CDH12: variants seen among roughly 807,000 people sequenced by gnomAD.
The protein encoded by CDH12 is cadherin 12.
A neutral mutation model predicts 74.1 loss-of-function variants in CDH12; 41 were observed. That is an observed-to-expected ratio of 0.55 (90% CI 0.43 to 0.72). The LOEUF is 0.72. Ranked by LOEUF, CDH12 falls within the 30% of genes least tolerant of loss-of-function variation. The pLI is 0.00. For synonymous variants in CDH12, 399 were observed against 355.0 expected (o/e 1.12, Z -1.39); for missense variants, 945 against 977.2 (o/e 0.97, Z 0.44).
chr5:22,715,001 G>A (rs1440855970), intron 1 of CDH12, among the ~76,000 whole-genome samples: 1 of 152,130 alleles, frequency 6.6e-6, no homozygotes, highest in Non-Finnish European at 1.5e-5. Flanking sequence ...CCAGGCATAA[G>A]AGAATTGTAT....
chr5:21,922,980 A>ATATCTG (rs375167830), intron 6 of CDH12, among the ~76,000 whole-genome samples: 1 of 151,536 alleles, frequency 6.6e-6, no homozygotes, highest in African/African-American at 2.4e-5. Flanking sequence ...ATCTATATCT[A>ATATCTG]TATATGGAGA....
At chr5:21,852,116 T>C (rs187422809) in intron 7 of CDH12, among the ~76,000 whole-genome samples, 1 of 151,574 alleles carries the variant, frequency 6.6e-6, no homozygotes, top group Admixed American at 6.6e-5. Flanking sequence ...TTTACTCTTA[T>C]CTACCACAAG....
At chr5:21,772,289 T>A (rs116416044) in intron 11 of CDH12, among the ~76,000 whole-genome samples, 1 of 152,144 alleles carries the variant, frequency 6.6e-6, no homozygotes, top group Admixed American at 6.6e-5. Flanking sequence ...ATCATATTTG[T>A]CATCTGGATT....
At chr5:21,867,696 T>A (rs935713125) in intron 6 of CDH12, among the ~76,000 whole-genome samples, 3 of 152,246 alleles carry the variant, frequency 2.0e-5, no homozygotes, top group African/African-American at 7.2e-5. Flanking sequence ...ACTAATTTGC[T>A]TTTGATTTTA....
chr5:21,765,254 G>C (rs919696405), intron 11 of CDH12, among the ~76,000 whole-genome samples, 155 bp from the exon 12 acceptor site: 2 of 152,028 alleles, frequency 1.3e-5, no homozygotes, highest in Admixed American at 1.3e-4. Flanking sequence ...ACTACAAGAT[G>C]ATAAAGGATC....
chr5:21,833,862 A>G (rs1348367630), intron 8 of CDH12, among the ~76,000 whole-genome samples: 2 of 151,966 alleles, frequency 1.3e-5, no homozygotes, highest in Non-Finnish European at 2.9e-5. Flanking sequence ...TTTGAGAGCC[A>G]CTGTAAGATC....
chr5:21,856,746 A>T (rs1313360956), intron 6 of CDH12, among the ~76,000 whole-genome samples: 1 of 151,842 alleles, frequency 6.6e-6, no homozygotes, highest in Non-Finnish European at 1.5e-5. Flanking sequence ...ATACTTCATT[A>T]ATGCATCGAA....
intron 2 of CDH12, among the ~76,000 whole-genome samples, chr5:22,452,708 A>G (rs1027716426): frequency 2.0e-5 from 3 of 151,840 alleles, no homozygotes; most frequent in Non-Finnish European, 2.9e-5. Flanking sequence ...CAACTGAAGC[A>G]AAAATAGGCA....
intron 2 of CDH12, among the ~76,000 whole-genome samples, chr5:22,485,309 G>A (rs1252097860): frequency 6.6e-6 from 1 of 152,060 alleles, no homozygotes; most frequent in Non-Finnish European, 1.5e-5. Flanking sequence ...AGCCTCCAGA[G>A]CAGTAGGGAC....
intron 14 of CDH12, among the ~76,000 whole-genome samples, chr5:21,754,141 T>C (rs1040383967): frequency 6.6e-6 from 1 of 152,168 alleles, no homozygotes; most frequent in Non-Finnish European, 1.5e-5. Context: ...GAAATGATTT[T>C]GTATAAGGTT....
At chr5:22,273,277 G>C (rs569492319) in intron 3 of CDH12, among the ~76,000 whole-genome samples, 1 of 152,216 alleles carries the variant, frequency 6.6e-6, no homozygotes, top group Non-Finnish European at 1.5e-5. Context: ...AGTAATTTTT[G>C]AATTACCAAA....
chr5:21,812,179 T>C (rs1747781992), intron 9 of CDH12, among the ~76,000 whole-genome samples: 1 of 152,064 alleles, frequency 6.6e-6, no homozygotes, highest in Non-Finnish European at 1.5e-5. Flanking sequence ...ACAAAGCATG[T>C]CATGCCTCAT....
intron 1 of CDH12, among the ~76,000 whole-genome samples, chr5:22,759,307 T>TAC: frequency 6.6e-6 from 1 of 152,212 alleles, no homozygotes. Flanking sequence ...ACCTCTAGTA[T>TAC]ACACATATAC....
Position 22,820,116 on chromosome 5 carries a change from A to G in CDH12, c.-523+32942T>C, listed in dbSNP as rs187854178. On this transcript the variant is annotated intron_variant, in intron 1 of 14. Transcript: ENST00000382254. ...TACATAGCTGAACAGAAATTTCATT[A>G]AAAAAATTACTAAATTATATCCAAT... 4.7e-3 allele frequency among the ~76,000 whole-genome samples: 706 copies of G among 150,974 alleles called. 9 individuals carry two copies. The highest frequency in any genetic ancestry group is 0.016 in the African/African-American group (672 of 41,272).
chr5:21,832,894 ATCATATAATATATG>A (rs1749132451), intron 8 of CDH12, among the ~76,000 whole-genome samples: 1 of 84,592 alleles, frequency 1.2e-5, no homozygotes, highest in African/African-American at 7.4e-5. Flanking sequence ...ATTAATATAT[ATCATATAATATATG>A]ATATAATATT....
intron 1 of CDH12, among the ~76,000 whole-genome samples, chr5:22,715,155 T>G (rs1743508710): frequency 6.6e-6 from 1 of 152,216 alleles, no homozygotes; most frequent in African/African-American, 2.4e-5. Flanking sequence ...AAATTGTACC[T>G]TAAGATCACA....
At chr5:22,084,771 A>G (rs1742958576) in intron 4 of CDH12, among the ~76,000 whole-genome samples, 1 of 152,152 alleles carries the variant, frequency 6.6e-6, no homozygotes, top group Non-Finnish European at 1.5e-5. Flanking sequence ...TATCACAACA[A>G]TAATAATGCA....
At chr5:22,747,635 GA>G (rs201643563) in intron 1 of CDH12, among the ~76,000 whole-genome samples, 2 of 141,518 alleles carry the variant, frequency 1.4e-5, no homozygotes, top group East Asian at 2.1e-4. Flanking sequence ...GAGAAGAAAA[GA>G]AAAAAAAGTA....
Position 21,751,728 on chromosome 5 carries a change from A to G in CDH12, c.*9T>C. Reference sequence around the variant, plus strand: ...CCCTCTCGGTTGTATTTTAGCCTCCACGACTCCCTTAAGTGACTTTATCAG... The same window carrying G: ...CCCTCTCGGTTGTATTTTAGCCTCCGCGACTCCCTTAAGTGACTTTATCAG... On this transcript the variant is annotated 3_prime_UTR_variant, in exon 15 of 15. Coordinates refer to ENST00000382254, the MANE Select transcript of CDH12 (RefSeq NM_004061.5). 1 of 1,594,692 alleles carries G rather than the reference A, an allele frequency of 6.3e-7. No homozygotes were observed. Among genetic ancestry groups the G allele is most frequent in the South Asian group, 1.1e-5 (1 of 88,436 alleles).
Sources: gnomAD v4.1 joint callset for allele counts (sites outside exome capture counted in the v4.1 genomes callset) on GRCh38, gnomAD v4.1.1 for gene constraint, MANE v1.5 for transcripts, NCBI Gene and HGNC (gene_info 2026-07-23, HGNC 2026-07-21) for gene names.